The following MAGI1 variants were observed in gnomAD, a reference collection of about 807,000 sequenced individuals.
MAGI1 encodes membrane associated guanylate kinase, WW and PDZ domain containing 1, also known as membrane-associated guanylate kinase, WW and PDZ domain-containing protein 1.
MAGI1 carries 58 observed loss-of-function variants against 139.9 expected under a neutral mutation model. The observed-to-expected ratio is 0.41, with a 90% confidence interval of 0.34 to 0.52. MAGI1 has a LOEUF of 0.52. MAGI1 is among the 20% of genes least tolerant of loss of function. MAGI1 has a pLI of 0.12. For missense variants in MAGI1, 1,874 were observed against 1,901.6 expected (o/e 0.99, Z 0.27); for synonymous variants, 812 against 737.9 (o/e 1.10, Z -1.63).
At chr3:65,972,027 T>G (rs2065036623) in intron 1 of MAGI1, among the ~76,000 whole-genome samples, 1 of 152,158 alleles carries the variant, frequency 6.6e-6, no homozygotes, top group Non-Finnish European at 1.5e-5. Flanking sequence ...AACAGACTAT[T>G]CTAGGAAATA....
chr3:65,950,278 T>C (rs1008264718), intron 1 of MAGI1, among the ~76,000 whole-genome samples: 1 of 152,034 alleles, frequency 6.6e-6, no homozygotes, highest in Non-Finnish European at 1.5e-5. Context: ...CTAGCTTTAG[T>C]TCAGAGACCA....
intron 1 of MAGI1, among the ~76,000 whole-genome samples, chr3:65,994,572 A>C (rs1349775697): frequency 6.6e-6 from 1 of 152,132 alleles, no homozygotes; most frequent in Non-Finnish European, 1.5e-5. Flanking sequence ...ACAACCAACC[A>C]CCATTTCATC....
intron 1 of MAGI1, among the ~76,000 whole-genome samples, chr3:65,688,826 A>G (rs1009314142): frequency 1.4e-4 from 21 of 152,200 alleles, no homozygotes; most frequent in Non-Finnish European, 2.5e-4. Context: ...TTCATCTTAT[A>G]TTAGGATAAT....
intron 2 of MAGI1, among the ~76,000 whole-genome samples, chr3:65,518,972 C>A (rs999989189): frequency 1.1e-4 from 16 of 152,126 alleles, no homozygotes; most frequent in African/African-American, 3.9e-4. Context: ...GAATTCCTCA[C>A]TGAGAAGGTA....
chr3:65,528,733 A>T (rs2078502116), intron 2 of MAGI1, among the ~76,000 whole-genome samples: 1 of 152,178 alleles, frequency 6.6e-6, no homozygotes, highest in Admixed American at 6.5e-5. Context: ...CCCTGTACCA[A>T]AACATTATTT....
chr3:65,384,191 G>C (rs1054837547), intron 14 of MAGI1, among the ~76,000 whole-genome samples: 1 of 152,196 alleles, frequency 6.6e-6, no homozygotes, highest in African/African-American at 2.4e-5. Context: ...GGCTTTGTTA[G>C]ATCATTTTTG....
intron 1 of MAGI1, among the ~76,000 whole-genome samples, chr3:65,775,410 T>G (rs1428117141): frequency 6.8e-6 from 1 of 146,956 alleles, no homozygotes; most frequent in East Asian, 2.0e-4. Flanking sequence ...GATTGTGCCA[T>G]TGCACTCCAG....
At chr3:65,426,039 T>C (rs1454994609) in intron 12 of MAGI1, among the ~76,000 whole-genome samples, 5 of 152,158 alleles carry the variant, frequency 3.3e-5, no homozygotes, top group Non-Finnish European at 4.4e-5. Flanking sequence ...AGCACTTTCC[T>C]GACTGGACAG....
intron 1 of MAGI1, among the ~76,000 whole-genome samples, chr3:65,827,845 T>C (rs187780419): frequency 1.3e-5 from 2 of 152,344 alleles, no homozygotes; most frequent in East Asian, 3.9e-4. Context: ...ATTTAAGTTA[T>C]TTTCCCATTA....
At chr3:65,950,251 G>T (rs1258172540) in intron 1 of MAGI1, among the ~76,000 whole-genome samples, 2 of 151,710 alleles carry the variant, frequency 1.3e-5, no homozygotes, top group African/African-American at 4.8e-5. Context: ...GGGTAACTTA[G>T]CACTGGCTGA....
intron 1 of MAGI1, among the ~76,000 whole-genome samples, chr3:66,017,694 C>T (rs543986176): frequency 6.6e-6 from 1 of 152,274 alleles, no homozygotes; most frequent in East Asian, 1.9e-4. Context: ...GCCCTCAGTG[C>T]AAAGCCTGAG....
chr3:65,555,916 T>C (rs1311302656), intron 2 of MAGI1, among the ~76,000 whole-genome samples: 2 of 152,208 alleles, frequency 1.3e-5, no homozygotes, highest in Non-Finnish European at 2.9e-5. Flanking sequence ...AAACTAGGCA[T>C]TCACTTAACA....
intron 1 of MAGI1, among the ~76,000 whole-genome samples, chr3:65,940,678 T>C (rs13074920): frequency 2.0e-5 from 3 of 152,222 alleles, no homozygotes; most frequent in Non-Finnish European, 4.4e-5. Flanking sequence ...TCTACTGAGA[T>C]TGTTTCCTCA....
chr3:65,659,569 A>G (rs552908682), intron 1 of MAGI1, among the ~76,000 whole-genome samples: 1 of 152,350 alleles, frequency 6.6e-6, no homozygotes, highest in South Asian at 2.1e-4. Context: ...AGGAGTTTTC[A>G]TGAATATCCC....
intron 5 of MAGI1, among the ~76,000 whole-genome samples, chr3:65,469,473 T>A (rs1950413110): frequency 6.6e-6 from 1 of 152,082 alleles, no homozygotes; most frequent in African/African-American, 2.4e-5. Context: ...CAGAATGGTT[T>A]CAAATGTCGG....
intron 1 of MAGI1, among the ~76,000 whole-genome samples, chr3:65,676,659 C>T (rs893957522): frequency 8.5e-5 from 13 of 152,110 alleles, no homozygotes; most frequent in Admixed American, 2.0e-4. Flanking sequence ...CTGGCTAATC[C>T]GGTCAATTGT....
At chr3:65,696,778 A>G (rs2089234928) in intron 1 of MAGI1, among the ~76,000 whole-genome samples, 1 of 152,186 alleles carries the variant, frequency 6.6e-6, no homozygotes, top group Admixed American at 6.5e-5. Flanking sequence ...GGAAAAGCCA[A>G]ACCCTTACAA....
rs548652991 is a variant in MAGI1 at position 65,807,420 on chromosome 3, C to T, written c.314-185332G>A. Reference sequence around the variant, plus strand: ...TAATTCCACTCATGAGAGCTCCACCCTCGTGACTTAATCACAGCCTAAAGG... The same window carrying T: ...TAATTCCACTCATGAGAGCTCCACCTTCGTGACTTAATCACAGCCTAAAGG... On this transcript the variant is annotated intron_variant, in intron 1 of 22. Transcript: ENST00000402939. Among the ~76,000 whole-genome samples the T allele has an allele frequency of 6.6e-5, 10 of 152,320 alleles. No homozygotes were observed. In the East Asian group the frequency reaches 1.9e-3, roughly 29 times the overall value.
chr3:65,378,224 G>A (rs1232415029), intron 17 of MAGI1, among the ~76,000 whole-genome samples: 1 of 152,112 alleles, frequency 6.6e-6, no homozygotes, highest in Non-Finnish European at 1.5e-5. Flanking sequence ...GTTTCTATTG[G>A]TCTTTGCTAG....
Sources: allele counts gnomAD v4.1 joint callset (sites outside exome capture counted in the v4.1 genomes callset), GRCh38; gene constraint gnomAD v4.1.1; transcripts MANE v1.5; gene names NCBI Gene and HGNC (gene_info 2026-07-23, HGNC 2026-07-21).